Variants in ADAD1 observed in about 807,000 individuals in gnomAD.
ADAD1 encodes adenosine deaminase domain containing 1.
ADAD1 carries 46 observed loss-of-function variants against 66.8 expected under a neutral mutation model. The observed-to-expected ratio is 0.69, with a 90% CI of 0.54 to 0.88. ADAD1 has a LOEUF of 0.88. Among genes scored for constraint, ADAD1 ranks in the 40% least tolerant of loss-of-function variants. The pLI is 0.00. For synonymous variants in ADAD1, 248 were observed against 229.4 expected (o/e 1.08, Z -0.73); for missense variants, 617 against 681.8 (o/e 0.91, Z 1.06).
chr4:122,425,091 C>T (rs776046407), intron 12 of ADAD1, among the ~76,000 whole-genome samples: 10 of 151,968 alleles, frequency 6.6e-5, no homozygotes, highest in Non-Finnish European at 1.2e-4. Context: ...GTAAAATAGA[C>T]AATTCAGCAA....
rs531928303 is a variant in ADAD1 at position 122,393,517 on chromosome 4, A to G, written c.530-72A>G. On this transcript the variant is annotated intron_variant, in intron 5 of 12. Coordinates refer to ENST00000296513, the MANE Select transcript of ADAD1 (RefSeq NM_139243.4). ...AATTTTTGGATTGCTGTTTTATTAC[A>G]GAATAAAAGAAATACCAGCTCTTTG... is the stretch of plus-strand genomic sequence containing the variant. 186 of 1,386,358 alleles carry G rather than the reference A, an allele frequency of 1.3e-4. 1 individual carries two copies. Among genetic ancestry groups the G allele is most frequent in the Middle Eastern group, 1.9e-4 (1 of 5,390 alleles). The allele number at this position is 1,386,358 out of a possible 1,614,324, so 85.9% of individuals were successfully genotyped here.
At chr4:122,407,636 A>G (rs1280368493) in intron 7 of ADAD1, among the ~76,000 whole-genome samples, 2 of 152,222 alleles carry the variant, frequency 1.3e-5, no homozygotes, top group Non-Finnish European at 2.9e-5. Context: ...AAAGCCAAGG[A>G]CATTTGGTAA....
intron 12 of ADAD1, among the ~76,000 whole-genome samples, chr4:122,427,523 C>CTTTTTTTT (rs59864757): frequency 5.6e-5 from 4 of 71,978 alleles, no homozygotes; most frequent in Admixed American, 2.4e-4. Context: ...ATCCAAAGGC[C>CTTTTTTTT]TTTTTTTTTT....
At chr4:122,414,985 T>G (rs965255411) in intron 10 of ADAD1, among the ~76,000 whole-genome samples, 4 of 152,128 alleles carry the variant, frequency 2.6e-5, no homozygotes, top group Admixed American at 2.6e-4. Flanking sequence ...TAACTCACTT[T>G]CACCAGTTAT....
chr4:122,396,007 T>C (rs1239228974), intron 6 of ADAD1, among the ~76,000 whole-genome samples: 3 of 152,248 alleles, frequency 2.0e-5, no homozygotes, highest in Admixed American at 6.5e-5. Flanking sequence ...TCTACAGATA[T>C]AAATCAGTAG....
chr4:122,387,391 A>G (rs972529909), intron 5 of ADAD1, among the ~76,000 whole-genome samples: 4 of 152,136 alleles, frequency 2.6e-5, no homozygotes, highest in Non-Finnish European at 4.4e-5. Context: ...TTGATTTTGT[A>G]TCCTGAGACT....
intron 12 of ADAD1, among the ~76,000 whole-genome samples, chr4:122,423,965 T>C (rs939736150): frequency 1.5e-4 from 23 of 152,096 alleles, no homozygotes; most frequent in African/African-American, 4.6e-4. Flanking sequence ...GAAAGCTGAA[T>C]TGTACACTTT....
At chr4:122,427,986 A>G (rs1163900795) in intron 12 of ADAD1, among the ~76,000 whole-genome samples, 2 of 152,206 alleles carry the variant, frequency 1.3e-5, no homozygotes, top group Non-Finnish European at 2.9e-5. Context: ...ACCTATACAC[A>G]TATGATCAAT....
intron 7 of ADAD1, among the ~76,000 whole-genome samples, chr4:122,399,901 G>T (rs1342402701): frequency 6.6e-6 from 1 of 151,850 alleles, no homozygotes; most frequent in Non-Finnish European, 1.5e-5. Context: ...GAGGTTTTTG[G>T]ATGAATCTTT....
At position 122,421,853 on chromosome 4, in the gene ADAD1, C is replaced by G. The variant is rs540636292; in HGVS notation, c.1617+463C>G. On this transcript the variant is annotated intron_variant, in intron 12 of 12. Coordinates refer to ENST00000296513, the MANE Select transcript of ADAD1 (RefSeq NM_139243.4). ...TAGGTAAGGTACATAGCCTTTTTTT[C>G]TCTCTTCCAAAATATATTTTACATA... 1.0e-3 allele frequency among the ~76,000 whole-genome samples: 152 copies of G among 151,862 alleles called. 2 individuals are homozygous for G. The highest frequency in any genetic ancestry group is 3.4e-3 in the African/African-American group (140 of 41,488).
At chr4:122,408,682 C>T (rs1426722217) in intron 8 of ADAD1, among the ~76,000 whole-genome samples, 24 of 151,874 alleles carry the variant, frequency 1.6e-4, no homozygotes, top group East Asian at 3.9e-4. Flanking sequence ...TACAAGAGTT[C>T]GAGACCAGCC....
intron 5 of ADAD1, among the ~76,000 whole-genome samples, chr4:122,386,643 T>G (rs1036897093): frequency 6.6e-6 from 1 of 152,232 alleles, no homozygotes; most frequent in Non-Finnish European, 1.5e-5. Context: ...TGCCTAGGTT[T>G]TCTTCTAGGG....
intron 5 of ADAD1, among the ~76,000 whole-genome samples, chr4:122,387,024 T>A (rs1035757504): frequency 4.6e-5 from 7 of 152,234 alleles, no homozygotes; most frequent in Admixed American, 3.9e-4. Flanking sequence ...TATGGGGTCT[T>A]CTTTGATTTC....
intron 11 of ADAD1, among the ~76,000 whole-genome samples, chr4:122,415,870 G>A (rs1024410337): frequency 3.3e-5 from 5 of 152,062 alleles, no homozygotes; most frequent in Non-Finnish European, 4.4e-5. Context: ...AAATGGCAGA[G>A]TCACCTTTCA....
intron 9 of ADAD1, among the ~76,000 whole-genome samples, chr4:122,411,871 T>A (rs1796482781): frequency 6.6e-6 from 1 of 152,174 alleles, no homozygotes; most frequent in Non-Finnish European, 1.5e-5. Flanking sequence ...TAAAAAAATC[T>A]TCTACTCCTT....
At chr4:122,398,028 G>T (rs1314477004) in intron 7 of ADAD1, among the ~76,000 whole-genome samples, 1 of 152,126 alleles carries the variant, frequency 6.6e-6, no homozygotes, top group Non-Finnish European at 1.5e-5. Flanking sequence ...GGGGGAATGG[G>T]TGGTGTTTGG....
chr4:122,395,836 C>T (rs57538600), intron 6 of ADAD1, among the ~76,000 whole-genome samples: 5,901 of 152,212 alleles, frequency 0.039, 361 homozygotes, highest in African/African-American at 0.13. Flanking sequence ...TGGTTTATAG[C>T]GGTTCTCAAT....
intron 4 of ADAD1, among the ~76,000 whole-genome samples, chr4:122,382,258 G>T (rs2150527000): frequency 6.6e-6 from 1 of 152,216 alleles, no homozygotes; most frequent in African/African-American, 2.4e-5. Context: ...GGTTGTTAAT[G>T]GTGTACATTT....
intron 8 of ADAD1, among the ~76,000 whole-genome samples, chr4:122,409,210 G>A (rs1453568770): frequency 6.6e-6 from 1 of 152,132 alleles, no homozygotes; most frequent in Non-Finnish European, 1.5e-5. Context: ...TTTACAAGAG[G>A]AATGAATAGC....
Sources: allele counts gnomAD v4.1 joint callset (sites outside exome capture counted in the v4.1 genomes callset), GRCh38; gene constraint gnomAD v4.1.1; transcripts MANE v1.5; gene names NCBI Gene and HGNC (gene_info 2026-07-23, HGNC 2026-07-21).